ALMS1: variants seen among roughly 807,000 people sequenced by gnomAD.
ALMS1 encodes the protein centrosome-associated protein ALMS1.
ALMS1 carries 271 observed loss-of-function variants against 352.2 expected under a neutral mutation model. The observed-to-expected ratio is 0.77, with a 90% CI of 0.70 to 0.85. The LOEUF is 0.85. Ranked by LOEUF, ALMS1 falls within the 40% of genes least tolerant of loss-of-function variation. ALMS1 has a pLI of 0.00. For synonymous variants in ALMS1, 1,865 were observed against 1,761.2 expected (o/e 1.06, Z -1.48); for missense variants, 5,445 against 4,870.7 (o/e 1.12, Z -3.51).
intron 12 of ALMS1, among the ~76,000 whole-genome samples, chr2:73,541,742 C>G (rs1445310728): frequency 6.6e-6 from 1 of 152,224 alleles, no homozygotes; most frequent in African/African-American, 2.4e-5. Flanking sequence ...ACAAACACCT[C>G]TATGCGAATA....
intron 11 of ALMS1, among the ~76,000 whole-genome samples, chr2:73,524,022 C>T (rs905160252): frequency 6.6e-6 from 1 of 152,104 alleles, no homozygotes; most frequent in Non-Finnish European, 1.5e-5. Flanking sequence ...ATGAGCAATA[C>T]AACCCTATGA....
intron 8 of ALMS1, chr2:73,454,413 G>A (rs950339467): frequency 7.3e-6 from 7 of 965,500 alleles, no homozygotes; most frequent in African/African-American, 5.3e-5. Flanking sequence ...AAGCTATCAC[G>A]TTTCTCTAAT....
chr2:73,464,293 A>G (rs983712575), intron 9 of ALMS1, among the ~76,000 whole-genome samples: 7 of 152,368 alleles, frequency 4.6e-5, no homozygotes, highest in Admixed American at 1.3e-4. Context: ...GGTTCAACAT[A>G]TGCAAATCAA....
At chr2:73,463,126 C>T (rs963764321) in intron 9 of ALMS1, among the ~76,000 whole-genome samples, 1 of 152,212 alleles carries the variant, frequency 6.6e-6, no homozygotes, top group African/African-American at 2.4e-5. Context: ...ATCTACAGAA[C>T]TCTCCACCCC....
chr2:73,460,166 C>T (rs1381215658), intron 9 of ALMS1, among the ~76,000 whole-genome samples: 2 of 152,116 alleles, frequency 1.3e-5, no homozygotes, highest in African/African-American at 4.8e-5. Flanking sequence ...CCCCACTGCT[C>T]TTCATGCCTG....
intron 9 of ALMS1, among the ~76,000 whole-genome samples, chr2:73,476,054 C>T (rs918025430): frequency 2.0e-5 from 3 of 151,856 alleles, no homozygotes; most frequent in African/African-American, 7.3e-5. Flanking sequence ...CCCCATTTTC[C>T]CCTTCCCCTT....
chr2:73,458,113 T>C (rs2103804926), intron 9 of ALMS1: 1 of 150,096 alleles, frequency 6.7e-6, no homozygotes, highest in Middle Eastern at 3.4e-3. Flanking sequence ...CACTATACTG[T>C]CATTCAACCA....
chr2:73,395,111 T>C (rs1670735974), intron 1 of ALMS1, among the ~76,000 whole-genome samples: 1 of 134,854 alleles, frequency 7.4e-6, no homozygotes, highest in Non-Finnish European at 1.5e-5. Flanking sequence ...AGACAGAGTC[T>C]CGCTCTGTCA....
chr2:73,587,217 G>C (rs917340477), intron 16 of ALMS1, among the ~76,000 whole-genome samples: 2 of 152,010 alleles, frequency 1.3e-5, no homozygotes, highest in African/African-American at 4.8e-5. Context: ...TCATATCATC[G>C]GTGAACAGTG....
In ALMS1 at chr2:73,451,624, C is replaced by T; in HGVS notation, c.5097C>T (p.Ala1699=). The change falls in exon 8 of 23, where the codon GCC becomes GCT. Residue 1699 remains alanine (A), a synonymous_variant. Transcript: ENST00000613296. The part of the protein sequence containing the change: ...LKVPPVPGPD[A]QKTETPSVSS... ...TTCCACCTGTTCCTGGACCAGATGC[C>T]CAGAAGACTGAGACACCATCAGTAT... 6.2e-7 allele frequency: 1 copy of T among 1,613,932 alleles called. No homozygotes were observed. The highest frequency in any genetic ancestry group is 8.5e-7 in the Non-Finnish European group (1 of 1,179,964).
At chr2:73,488,457 G>T (rs12479243) in intron 9 of ALMS1, among the ~76,000 whole-genome samples, 1 of 152,194 alleles carries the variant, frequency 6.6e-6, no homozygotes, top group Non-Finnish European at 1.5e-5. Flanking sequence ...GGGGCAGGGG[G>T]AGTTCCCAGA....
At position 73,492,968 on chromosome 2, in the gene ALMS1, TAAA is replaced by T. The variant is rs34376546; in HGVS notation, c.9539+1484_9539+1486del. ...GGCAAGGCTGGTCAGTATTGATACT[TAAA>T]AAAAAAAAAAAAAGTTTAGAAATTA... is the stretch of plus-strand genomic sequence containing the variant. On this transcript the variant is annotated intron_variant, in intron 10 of 22. Transcript: ENST00000613296. Among the ~76,000 whole-genome samples, 195 of 141,994 alleles carry T rather than the reference TAAA, an allele frequency of 1.4e-3. 1 individual carries two copies. Among genetic ancestry groups the T allele is most frequent in the African/African-American group, 4.1e-3 (162 of 39,810 alleles). The allele number at this position is 141,994 out of a possible 152,430, so 93.2% of individuals were successfully genotyped here.
chr2:73,519,698 A>T, intron 10 of ALMS1, 77 bp from the exon 11 acceptor site: 1 of 1,596,440 alleles, frequency 6.3e-7, no homozygotes, highest in Admixed American at 1.7e-5. Flanking sequence ...TATTCCTTGA[A>T]ACCACTTTTG....
chr2:73,501,951 A>G (rs1312971245), intron 10 of ALMS1, among the ~76,000 whole-genome samples: 1 of 152,084 alleles, frequency 6.6e-6, no homozygotes, highest in Non-Finnish European at 1.5e-5. Flanking sequence ...CCCCGGTGAC[A>G]TATTGTAATT....
At chr2:73,414,628 C>G (rs1289596634) in intron 2 of ALMS1, among the ~76,000 whole-genome samples, 2 of 151,740 alleles carry the variant, frequency 1.3e-5, no homozygotes, top group Non-Finnish European at 2.9e-5. Flanking sequence ...ACTTTTCTGT[C>G]CTCCTCTTAG....
At chr2:73,434,612 G>A (rs919311990) in intron 7 of ALMS1, among the ~76,000 whole-genome samples, 1 of 152,140 alleles carries the variant, frequency 6.6e-6, no homozygotes, top group Non-Finnish European at 1.5e-5. Flanking sequence ...GGGTTTAGCT[G>A]TTCAAATTTT....
intron 9 of ALMS1, among the ~76,000 whole-genome samples, chr2:73,485,437 G>C (rs1024531029): frequency 1.3e-5 from 2 of 152,244 alleles, no homozygotes; most frequent in Non-Finnish European, 2.9e-5. Flanking sequence ...CCCGTTCTCA[G>C]ATCTCCAGCT....
At chr2:73,524,819 A>G (rs1202458949) in intron 11 of ALMS1, among the ~76,000 whole-genome samples, 2 of 152,162 alleles carry the variant, frequency 1.3e-5, no homozygotes, top group African/African-American at 2.4e-5. Context: ...ATCAAATACT[A>G]TATCTTACTG....
At chr2:73,604,358 A>G (rs1020143202) in intron 21 of ALMS1, among the ~76,000 whole-genome samples, 2 of 152,190 alleles carry the variant, frequency 1.3e-5, no homozygotes, top group Non-Finnish European at 2.9e-5. Context: ...TGATCACACC[A>G]TTACGCTCCG....
Sources: allele counts gnomAD v4.1 joint callset (sites outside exome capture counted in the v4.1 genomes callset), GRCh38; gene constraint gnomAD v4.1.1; transcripts MANE v1.5; gene names NCBI Gene and HGNC (gene_info 2026-07-23, HGNC 2026-07-21).